The following TCP10L variants were observed in gnomAD, a reference collection of about 807,000 sequenced individuals.
TCP10L encodes the protein T-complex protein 10A homolog 1.
A neutral mutation model predicts 19.2 loss-of-function variants in TCP10L; 11 were observed. That is an observed-to-expected ratio of 0.57 (90% CI 0.36 to 0.95). TCP10L has a LOEUF of 0.95. Ranked by LOEUF, TCP10L falls within the 40% of genes least tolerant of loss-of-function variation. The pLI is 0.01. For missense variants in TCP10L, 247 were observed against 263.9 expected, an observed-to-expected ratio of 0.94 and a Z score of 0.44; for synonymous variants, 96 against 97.2, an observed-to-expected ratio of 0.99 and a Z score of 0.07.
intron 4 of TCP10L, chr21:32,577,382 A>G (rs1415812596): frequency 6.4e-6 from 1 of 155,678 alleles, no homozygotes; most frequent in Non-Finnish European, 1.4e-5. Context: ...CCTGGGACTT[A>G]CGATGTTTTG....
In TCP10L at chr21:32,576,772, C is replaced by T; in HGVS notation, c.*2G>A. The T allele has an allele frequency of 6.2e-7, 1 of 1,612,140 alleles. No homozygotes were observed. The highest frequency in any genetic ancestry group is 8.5e-7 in the Non-Finnish European group (1 of 1,179,426). ...CAGGTGTCCGAGGCCACCTTTCCAT[C>T]TTCAGACACCCCCCCGTCTCTCTGC... On this transcript the variant is annotated 3_prime_UTR_variant, in exon 5 of 5. Coordinates refer to ENST00000300258, the MANE Select transcript of TCP10L (RefSeq NM_144659.7).
intron 1 of TCP10L, among the ~76,000 whole-genome samples, chr21:32,585,163 G>A (rs959301419): frequency 1.3e-5 from 2 of 152,216 alleles, no homozygotes; most frequent in African/African-American, 4.8e-5. Context: ...ATTTAAAAGA[G>A]AGTCTCCTGA....
intron 3 of TCP10L, among the ~76,000 whole-genome samples, chr21:32,580,641 T>TA (rs745478192): frequency 6.6e-6 from 1 of 152,200 alleles, no homozygotes; most frequent in African/African-American, 2.4e-5. Flanking sequence ...TATCCCCACT[T>TA]ACGTTTGGAG....
chr21:32,584,161 T>A lies in TCP10L; in HGVS notation c.144A>T (p.Pro48=). The A allele has an allele frequency of 6.2e-7, 1 of 1,611,654 alleles. No individual in the cohort carries two copies. Among genetic ancestry groups the A allele is most frequent in the Non-Finnish European group, 8.5e-7 (1 of 1,178,334 alleles). ...TCTGTCCCCACAGAGCTCAACTCAC[T>A]GGCATCTCCCCAGTGTTGCAGTCCT... is the stretch of plus-strand genomic sequence containing the variant. ...LTEDCNTGEM[P]PLQQQIIRLH... Residue 48 remains proline, a splice_region_variant and synonymous_variant, in exon 2 of 5, where the codon CCA becomes CCT. Transcript: ENST00000300258.
rs1304889513 is a variant in TCP10L, at chr21:32,575,443, C to G, written c.*1331G>C. On this transcript the variant is annotated 3_prime_UTR_variant, in exon 5 of 5. Transcript: ENST00000300258. ...GTGGGCAGGAAGCCCGGGGGGCAGACTCAGGAGGAAGACAGTGTCAGATTC... is the reference window on the plus strand; with the variant it reads ...GTGGGCAGGAAGCCCGGGGGGCAGAGTCAGGAGGAAGACAGTGTCAGATTC... 1 of 154,800 alleles carries G rather than the reference C, an allele frequency of 6.5e-6. No individual in the cohort carries two copies. Among genetic ancestry groups the G allele is most frequent in the African/African-American group, 2.4e-5 (1 of 41,470 alleles). The allele number at this position is 154,800 out of a possible 1,614,324, so 9.6% of individuals were successfully genotyped here.
intron 1 of TCP10L, among the ~76,000 whole-genome samples, chr21:32,585,131 C>T (rs535642169): frequency 1.3e-5 from 2 of 152,280 alleles, no homozygotes; most frequent in South Asian, 4.1e-4. Context: ...AACAGTTTAA[C>T]CACAGTGATC....
Position 32,578,658 on chromosome 21 carries a change from T to C in TCP10L, c.498+36A>G. On this transcript the variant is annotated intron_variant, in intron 4 of 4. Coordinates refer to ENST00000300258, the MANE Select transcript of TCP10L (RefSeq NM_144659.7). The surrounding 1 kb of genome is among the most constrained non-coding windows in gnomAD (Gnocchi z 4.2). ...TGTGTGTGTTTGGGTACAGAACCTC[T>C]GCTTCTCTTTACAGATGATAAGCAC... is the stretch of plus-strand genomic sequence containing the variant. The C allele has an allele frequency of 6.3e-7, 1 of 1,598,664 alleles. No homozygotes were observed. Among genetic ancestry groups the C allele is most frequent in the Non-Finnish European group, 8.5e-7 (1 of 1,173,102 alleles).
At position 32,582,399 on chromosome 21, in the gene TCP10L, A is replaced by T; in HGVS notation, c.161T>A (p.Ile54Asn). The T allele has an allele frequency of 6.2e-7, 1 of 1,612,842 alleles. No individual in the cohort carries two copies. The highest frequency in any genetic ancestry group is 8.5e-7 in the Non-Finnish European group (1 of 1,179,742). ...CCCAAGCTCTTGGTGGAGTCTGATG[A>T]TCTGCTGCTGTAATGGCTGTTATTG... is the stretch of plus-strand genomic sequence containing the variant. ...TGEMPPLQQQIIRLHQELGRQ... is the reference protein window; with the variant it reads ...TGEMPPLQQQNIRLHQELGRQ... The change falls in exon 3 of 5, where the codon ATC (isoleucine) becomes AAC (asparagine). Residue 54 changes from isoleucine to asparagine, a missense_variant. Ile to Asn is a moderately radical substitution (Grantham distance 149, BLOSUM62 -3). Coordinates refer to ENST00000300258, the MANE Select transcript of TCP10L (RefSeq NM_144659.7). This position sits in a 1 kb window ranked among gnomAD's most constrained non-coding sequence, Gnocchi z 4.2.
chr21:32,584,092 G>A (rs549854163), intron 2 of TCP10L, 69 bp downstream of exon 2: 19 of 1,532,834 alleles, frequency 1.2e-5, no homozygotes, highest in Admixed American at 5.7e-5. Context: ...GTCCAATGAC[G>A]GGCCTCAGGG....
At position 32,582,749 on chromosome 21, in the gene TCP10L, T is replaced by C. The variant is rs565404141; in HGVS notation, c.145-334A>G. Among the ~76,000 whole-genome samples the C allele has an allele frequency of 2.0e-5, 3 of 151,958 alleles. No homozygotes were observed. Among genetic ancestry groups the C allele is most frequent in the Non-Finnish European group, 4.4e-5 (3 of 67,972 alleles). On this transcript the variant is annotated intron_variant, in intron 2 of 4. Coordinates refer to ENST00000300258, the MANE Select transcript of TCP10L (RefSeq NM_144659.7). The surrounding 1 kb of genome is among the most constrained non-coding windows in gnomAD (Gnocchi z 4.2). ...CTGGGACTACAGGCATGTGCCACCA[T>C]ACTTCGCTAATTTTTGTATTTTTAC... is the stretch of plus-strand genomic sequence containing the variant.
Position 32,576,373 on chromosome 21 carries a change from G to A in TCP10L, c.*401C>T, listed in dbSNP as rs1453290077. 43 of 1,233,864 alleles carry A rather than the reference G, an allele frequency of 3.5e-5. No individual in the cohort carries two copies. The highest frequency in any genetic ancestry group is 2.6e-4 in the Middle Eastern group (1 of 3,842). 76.4% of individuals were successfully genotyped at this position (1,233,864 alleles called of 1,614,324 possible). On this transcript the variant is annotated 3_prime_UTR_variant, in exon 5 of 5. Coordinates refer to ENST00000300258, the MANE Select transcript of TCP10L (RefSeq NM_144659.7). ...CGCCTTGTCACAAGGTCCCTGGAGC[G>A]GGCAATGCCTTGAGCCCAAAGGCTG...
In TCP10L at chr21:32,584,189, G is replaced by A. The variant is rs747594911; in HGVS notation, c.116C>T (p.Thr39Met). 6.4e-5 allele frequency: 103 copies of A among 1,613,834 alleles called. No homozygotes were observed. The Middle Eastern group carries it at 6.6e-4, about 10-fold the overall frequency. Reference sequence around the variant, plus strand: ...CATCTCCCCAGTGTTGCAGTCCTCCGTGAGAACCTCGGCTGCCACAGCTGT... The same window carrying A: ...CATCTCCCCAGTGTTGCAGTCCTCCATGAGAACCTCGGCTGCCACAGCTGT... ...EKTAVAAEVLTEDCNTGEMPP... is the reference protein window; with the variant it reads ...EKTAVAAEVLMEDCNTGEMPP... The change falls in exon 2 of 5, where the codon ACG becomes ATG. Residue 39 changes from threonine (T) to methionine (M), a missense_variant. Transcript: ENST00000300258.
At position 32,575,604 on chromosome 21, in the gene TCP10L, G is replaced by T; in HGVS notation, c.*1170C>A. The T allele has an allele frequency of 6.5e-6, 1 of 152,696 alleles. No homozygotes were observed. Among genetic ancestry groups the T allele is most frequent in the African/African-American group, 2.4e-5 (1 of 41,562 alleles). 9.5% of individuals were successfully genotyped at this position (152,696 alleles called of 1,614,324 possible). A position where few individuals can be genotyped will look rare whatever the true frequency, so the allele number is the denominator to read the frequency against. On this transcript the variant is annotated 3_prime_UTR_variant, in exon 5 of 5. Coordinates refer to ENST00000300258, the MANE Select transcript of TCP10L (RefSeq NM_144659.7). The stretch of plus-strand genomic sequence containing the variant: ...ACACCTGAAGCTCGGCCACACCTGA[G>T]GCTCGGCCACCACATAGGCCCCGTT...
chr21:32,573,822 G>GATACAAATAACAAACAGAGAC lies in TCP10L; in HGVS notation c.*2951_*2952insGTCTCTGTTTGTTATTTGTAT, dbSNP rs1447257839. ...GTGACAACCGCCACATTCAACACCT[G>GATACAAATAACAAACAGAGAC]ATACAAATAACACACAGAGACATAC... On this transcript the variant is annotated 3_prime_UTR_variant, in exon 5 of 5. Transcript: ENST00000300258. Among the ~76,000 whole-genome samples the GATACAAATAACAAACAGAGAC allele has an allele frequency of 6.6e-6, 1 of 152,082 alleles. No individual in the cohort carries two copies. The highest frequency in any genetic ancestry group is 1.9e-4 in the East Asian group (1 of 5,202).
intron 2 of TCP10L, among the ~76,000 whole-genome samples, chr21:32,583,024 CTTT>C (rs59972145): frequency 3.2e-5 from 3 of 94,798 alleles, no homozygotes; most frequent in African/African-American, 4.4e-5. Flanking sequence ...CATTCTTTTC[CTTT>C]TTTTTTTTTT....
chr21:32,581,686 C>A (rs2038496739), intron 3 of TCP10L, among the ~76,000 whole-genome samples: 1 of 152,176 alleles, frequency 6.6e-6, no homozygotes, highest in Admixed American at 6.5e-5. Context: ...CCCGTTTCAA[C>A]AGGTCTCTAT....
At position 32,583,805 on chromosome 21, in the gene TCP10L, C is replaced by A. The variant is rs1030361589; in HGVS notation, c.144+356G>T. Among the ~76,000 whole-genome samples the A allele has an allele frequency of 4.3e-5, 3 of 69,032 alleles. No individual in the cohort carries two copies. In the South Asian group the frequency reaches 1.5e-3, roughly 35 times the overall value. 45.3% of individuals were successfully genotyped at this position (69,032 alleles called of 152,430 possible). A position where few individuals can be genotyped will look rare whatever the true frequency, so the allele number is the denominator to read the frequency against. On this transcript the variant is annotated intron_variant, in intron 2 of 4. Coordinates refer to ENST00000300258, the MANE Select transcript of TCP10L (RefSeq NM_144659.7). ...ACAGCAAGCACTGTCCAACAGGGTC[C>A]AATGAGGAAGATGGTAAAAATCAGG...
chr21:32,584,246 G>A lies in TCP10L; in HGVS notation c.59C>T (p.Pro20Leu), dbSNP rs2146530625. Residue 20 changes from proline (P) to leucine (L), a missense_variant, in exon 2 of 5, where the codon CCG (proline) becomes CTG (leucine). Pro to Leu is a moderately conservative substitution (Grantham distance 98, BLOSUM62 -3). Coordinates refer to ENST00000300258, the MANE Select transcript of TCP10L (RefSeq NM_144659.7). ...CATGACAGCCCCAGCTCCTGGGCAC[G>A]GGTCCTCTGGGTGGGTGCCCTCTTT... is the stretch of plus-strand genomic sequence containing the variant. ...DPKEGTHPED[P>L]CPGAGAVMEK... 9 of 1,614,110 alleles carry A rather than the reference G, an allele frequency of 5.6e-6. No homozygotes were observed. In the East Asian group the frequency reaches 8.9e-5, roughly 16 times the overall value.
intron 4 of TCP10L, chr21:32,577,559 A>G (rs1400447301): frequency 6.6e-6 from 1 of 152,358 alleles, no homozygotes; most frequent in Non-Finnish European, 1.5e-5. Context: ...CTCCATCCAC[A>G]TCAACCCAGT....
Sources: gnomAD v4.1 joint callset for allele counts (sites outside exome capture counted in the v4.1 genomes callset) on GRCh38, gnomAD v4.1.1 for gene constraint, Gnocchi (gnomAD v3.1) non-coding constraint, MANE v1.5 for transcripts, NCBI Gene and HGNC (gene_info 2026-07-23, HGNC 2026-07-21) for gene names.